The following SLF2 variants were observed in gnomAD, a reference collection of about 807,000 sequenced individuals.
SLF2 encodes SMC5-SMC6 complex localization factor protein 2.
A neutral mutation model predicts 124.3 loss-of-function variants in SLF2; 68 were observed. The ratio of observed to expected loss-of-function variants is 0.55; its 90% CI spans 0.45 to 0.67. The LOEUF (loss-of-function observed/expected upper bound fraction) is 0.67. Among genes scored for constraint, SLF2 ranks in the 30% least tolerant of loss-of-function variants. The pLI, the probability that SLF2 is intolerant of heterozygous loss-of-function variation, is 0.00. For missense variants in SLF2, 1,246 were observed against 1,373.7 expected (o/e 0.91, Z 1.47); for synonymous variants, 480 against 478.8 (o/e 1.00, Z -0.03).
chr10:100,947,808 T>A lies in SLF2; in HGVS notation c.3081T>A (p.Asp1027Glu). ...TAGTGATTATTTCAAAGCTTTTGGA[T>A]GAGAAACACGAAGATGTTCCTAATG... ...LSLVIISKLL[D>E]EKHEDVPNAS... Residue 1027 changes from aspartate to glutamate, a missense_variant, in exon 15 of 20, where the codon GAT becomes GAA. Asp to Glu is a conservative substitution (Grantham distance 45). Coordinates refer to ENST00000238961, the MANE Select transcript of SLF2 (RefSeq NM_018121.4). 1 of 1,612,424 alleles carries A rather than the reference T, an allele frequency of 6.2e-7. No individual in the cohort carries two copies. Among genetic ancestry groups the A allele is most frequent in the Non-Finnish European group, 8.5e-7 (1 of 1,179,284 alleles).
intron 14 of SLF2, 146 bp from the exon 15 acceptor site, chr10:100,947,614 A>G (rs1020195106): frequency 1.0e-5 from 5 of 500,034 alleles, no homozygotes; most frequent in Admixed American, 6.5e-5. Context: ...ACTGTTCTAT[A>G]ACAGCTTATA....
Position 100,924,679 on chromosome 10 carries a change from T to A in SLF2, c.1678T>A (p.Leu560Met). 3 of 1,614,108 alleles carry A rather than the reference T, an allele frequency of 1.9e-6. No individual in the cohort carries two copies. The highest frequency in any genetic ancestry group is 2.5e-6 in the Non-Finnish European group (3 of 1,180,016). ...TCCTACAAAGTCTCCCCCTGCTGCT[T>A]TGGAAGTTGTGCCATGTATCCCAAG... ...GTPTKSPPAALEVVPCIPSPA... is the reference protein window; with the variant it reads ...GTPTKSPPAAMEVVPCIPSPA... The change falls in exon 5 of 20, where the codon TTG (leucine) becomes ATG (methionine). Residue 560 changes from leucine to methionine, a missense_variant. By Grantham distance (15) the Leu-to-Met change is conservative. Coordinates refer to ENST00000238961, the MANE Select transcript of SLF2 (RefSeq NM_018121.4).
At chr10:100,917,656 A>G (rs1324432856) in intron 3 of SLF2, among the ~76,000 whole-genome samples, 1 of 152,150 alleles carries the variant, frequency 6.6e-6, no homozygotes. Flanking sequence ...GTCTCATTGC[A>G]GTCTCAAACT....
At position 100,924,625 on chromosome 10, in the gene SLF2, G is replaced by A; in HGVS notation, c.1624G>A (p.Gly542Arg). Residue 542 changes from glycine (G) to arginine (R), a missense_variant, in exon 5 of 20, where the codon GGG (glycine) becomes AGG (arginine). By Grantham distance (125) the Gly-to-Arg change is moderately radical. Transcript: ENST00000238961. ...DSNVSSGKIS[G>R]GPLRSEYGTP... ...TAATGTATCTTCAGGGAAAATTTCT[G>A]GGGGACCTTTGCGCTCAGAATATGG... The A allele has an allele frequency of 1.2e-6, 2 of 1,613,884 alleles. No homozygotes were observed. Among genetic ancestry groups the A allele is most frequent in the Non-Finnish European group, 1.7e-6 (2 of 1,179,936 alleles).
chr10:100,929,475 A>G, intron 7 of SLF2, 36 bp downstream of exon 7: 8 of 1,522,390 alleles, frequency 5.3e-6, no homozygotes, highest in Non-Finnish European at 7.1e-6. Context: ...TACCTTATTA[A>G]AGTTTTTACA....
At chr10:100,952,909 A>C (rs1194511323) in intron 17 of SLF2, among the ~76,000 whole-genome samples, 3 of 152,206 alleles carry the variant, frequency 2.0e-5, no homozygotes, top group Non-Finnish European at 4.4e-5. Flanking sequence ...ATTGCACACC[A>C]GCCTGGGCAA....
chr10:100,938,698 G>A lies in SLF2; in HGVS notation c.2616G>A (p.Leu872=). The A allele has an allele frequency of 6.2e-7, 1 of 1,612,776 alleles. No homozygotes were observed. Among genetic ancestry groups the A allele is most frequent in the Non-Finnish European group, 8.5e-7 (1 of 1,179,642 alleles). The part of the protein sequence containing the change: ...MGIDFRSLFP[L]ENLQPDFNED... The stretch of plus-strand genomic sequence containing the variant: ...TTGATTTTAGATCTTTGTTTCCCCT[G>A]GAGAATCTTCAGCCAGACTTTAATG... The change falls in exon 11 of 20, where the codon CTG becomes CTA. Residue 872 remains leucine, a synonymous_variant. Coordinates refer to ENST00000238961, the MANE Select transcript of SLF2 (RefSeq NM_018121.4).
intron 15 of SLF2, among the ~76,000 whole-genome samples, chr10:100,949,682 AC>A (rs1850174122): frequency 6.6e-6 from 1 of 151,100 alleles, no homozygotes; most frequent in Admixed American, 6.6e-5. Context: ...TGCAACCTCC[AC>A]CCCGCATATT....
chr10:100,958,258 A>G (rs1850368662), intron 18 of SLF2, among the ~76,000 whole-genome samples: 1 of 152,208 alleles, frequency 6.6e-6, no homozygotes, highest in Non-Finnish European at 1.5e-5. Flanking sequence ...TCATTTGAAC[A>G]ATGCCCATTC....
chr10:100,929,377 C>A lies in SLF2; in HGVS notation c.2103C>A (p.Ser701=), dbSNP rs777238046. Residue 701 remains serine (S), a synonymous_variant, in exon 7 of 20, where the codon TCC becomes TCA. Coordinates refer to ENST00000238961, the MANE Select transcript of SLF2 (RefSeq NM_018121.4). ...TAAGGCAAGGCCGAGGCATTAAATC[C>A]CCAATCAGAATTGGAGAAGAAGACA... ...EDIRQGRGIK[S]PIRIGEEDST... 8.1e-6 allele frequency: 13 copies of A among 1,612,594 alleles called. No individual in the cohort carries two copies. The South Asian group carries it at 1.4e-4, about 18-fold the overall frequency.
At chr10:100,935,832 T>C (rs1849837898) in intron 9 of SLF2, among the ~76,000 whole-genome samples, 1 of 147,772 alleles carries the variant, frequency 6.8e-6, no homozygotes, top group African/African-American at 2.6e-5. Flanking sequence ...ATTAGTTGTT[T>C]TGGATTTTTT....
intron 17 of SLF2, among the ~76,000 whole-genome samples, chr10:100,952,202 C>T (rs556452319): frequency 6.6e-6 from 1 of 151,876 alleles, no homozygotes; most frequent in South Asian, 2.1e-4. Context: ...CAAGATCGTG[C>T]CATTGCACTC....
Position 100,917,384 on chromosome 10 carries a change from A to T in SLF2, c.915+84A>T, listed in dbSNP as rs139582515. 627 of 1,406,036 alleles carry T rather than the reference A, an allele frequency of 4.5e-4. 8 individuals are homozygous for T. In the East Asian group the frequency reaches 0.012, roughly 27 times the overall value. 87.1% of individuals were successfully genotyped at this position (1,406,036 alleles called of 1,614,324 possible). ...AATTTAAAAATATTTAAGAGTTGTT[A>T]CATCACATTGACGTCTTTCCTGAAG... On this transcript the variant is annotated intron_variant, in intron 3 of 19. Coordinates refer to ENST00000238961, the MANE Select transcript of SLF2 (RefSeq NM_018121.4).
intron 8 of SLF2, among the ~76,000 whole-genome samples, chr10:100,930,370 C>G (rs1849708556): frequency 6.6e-6 from 1 of 152,228 alleles, no homozygotes; most frequent in African/African-American, 2.4e-5. Context: ...GCTTCGGGTG[C>G]TGTTCTAGCT....
intron 7 of SLF2, among the ~76,000 whole-genome samples, 190 bp from the exon 8 acceptor site, chr10:100,929,640 A>G (rs1849688564): frequency 6.6e-6 from 1 of 152,224 alleles, no homozygotes; most frequent in South Asian, 2.1e-4. Flanking sequence ...CTTTTCACAT[A>G]GACACATTTA....
intron 6 of SLF2, 26 bp from the exon 7 acceptor site, chr10:100,929,291 G>C (rs1362437281): frequency 6.9e-6 from 11 of 1,588,422 alleles, no homozygotes; most frequent in Non-Finnish European, 9.4e-6. Context: ...AGAGTAAACT[G>C]TTATAACATT....
At chr10:100,913,967 G>C (rs1849370372) in intron 1 of SLF2, 2 of 785,848 alleles carry the variant, frequency 2.5e-6, no homozygotes, top group African/African-American at 3.8e-5. Flanking sequence ...TGTGGTACAG[G>C]CCCACAATCC....
chr10:100,913,471 A>T (rs1160150280), intron 1 of SLF2: 1 of 1,288,856 alleles, frequency 7.8e-7, no homozygotes, highest in Non-Finnish European at 9.8e-7. Context: ...AGTGACCACC[A>T]GCCTGGACAG....
rs998666432 is a variant in SLF2 at position 100,929,363 on chromosome 10, C to T, written c.2089C>T (p.Arg697Ter). 9 of 1,612,830 alleles carry T rather than the reference C, an allele frequency of 5.6e-6. No homozygotes were observed. Among genetic ancestry groups the T allele is most frequent in the Non-Finnish European group, 6.8e-6 (8 of 1,179,274 alleles). The change falls in exon 7 of 20, where the codon CGA becomes TGA. Residue 697 changes from arginine (R) to a stop codon, truncating the protein, a stop_gained. Transcript: ENST00000238961. LOFTEE classifies it high-confidence loss of function. ...KQLQEDIRQG[R>*]GIKSPIRIGE... The stretch of plus-strand genomic sequence containing the variant: ...ACTACAAGAAGACATAAGGCAAGGC[C>T]GAGGCATTAAATCCCCAATCAGAAT...
Sources: allele counts gnomAD v4.1 joint callset (sites outside exome capture counted in the v4.1 genomes callset), GRCh38; gene constraint gnomAD v4.1.1; transcripts MANE v1.5; gene names NCBI Gene and HGNC (gene_info 2026-07-23, HGNC 2026-07-21).